Variants in MTREX observed in about 807,000 individuals in gnomAD.
The protein encoded by MTREX is exosome RNA helicase MTR4.
A neutral mutation model predicts 135.4 loss-of-function variants in MTREX; 76 were observed. That is an observed-to-expected ratio of 0.56 (90% CI 0.47 to 0.68). The LOEUF (loss-of-function observed/expected upper bound fraction) is 0.68, where lower values mean the gene tolerates loss of function less well. Among genes scored for constraint, MTREX ranks in the 30% least tolerant of loss-of-function variants. MTREX has a pLI of 0.00. For missense variants in MTREX, 920 were observed against 1,262.1 expected (o/e 0.73, Z 4.11); for synonymous variants, 404 against 401.6 (o/e 1.01, Z -0.07).
intron 10 of MTREX, 111 bp downstream of exon 10, chr5:55,345,307 G>A (rs1223910764): frequency 8.8e-6 from 6 of 680,546 alleles, no homozygotes; most frequent in East Asian, 5.6e-5. Flanking sequence ...AGGTCTAGAC[G>A]ATATGTGATA....
At chr5:55,316,523 A>G (rs1749200897) in intron 1 of MTREX, among the ~76,000 whole-genome samples, 2 of 152,184 alleles carry the variant, frequency 1.3e-5, no homozygotes, top group African/African-American at 4.8e-5. Flanking sequence ...ACAGAACTAA[A>G]GACAAAAAAC....
At chr5:55,401,644 C>T (rs900261110) in intron 21 of MTREX, among the ~76,000 whole-genome samples, 2 of 152,176 alleles carry the variant, frequency 1.3e-5, no homozygotes, top group Non-Finnish European at 2.9e-5. Context: ...TACATCTTCG[C>T]CAGCATGTGT....
At chr5:55,366,981 G>T in intron 16 of MTREX, 106 bp downstream of exon 16, 1 of 857,522 alleles carries the variant, frequency 1.2e-6, no homozygotes, top group Non-Finnish European at 1.8e-6. Flanking sequence ...GGTAAATTTT[G>T]GTTCATACGT....
At position 55,349,378 on chromosome 5, in the gene MTREX, A is replaced by T. The variant is rs185094646; in HGVS notation, c.1241-195A>T. ...ATTTTTTTGTATTTTTTGTAGAGAC[A>T]GGGCTTCGCCATGTTGCCCATGCTG... On this transcript the variant is annotated intron_variant, in intron 11 of 26. Transcript: ENST00000230640. Among the ~76,000 whole-genome samples, 13 of 152,018 alleles carry T rather than the reference A, an allele frequency of 8.6e-5. No homozygotes were observed. In the East Asian group the frequency reaches 1.9e-3, roughly 23 times the overall value.
intron 23 of MTREX, among the ~76,000 whole-genome samples, chr5:55,411,828 C>T (rs75535489): frequency 0.041 from 6,253 of 152,186 alleles, 188 homozygotes; most frequent in Non-Finnish European, 0.055. Flanking sequence ...TAATTAAGAA[C>T]ATTTGTCAAA....
intron 8 of MTREX, among the ~76,000 whole-genome samples, chr5:55,343,996 CT>C (rs1749691583): frequency 6.6e-6 from 1 of 151,986 alleles, no homozygotes; most frequent in Non-Finnish European, 1.5e-5. Context: ...CTTAATTTTC[CT>C]TTACACTGAT....
intron 21 of MTREX, among the ~76,000 whole-genome samples, chr5:55,403,888 TGAAAA>T (rs1233084692): frequency 6.6e-6 from 1 of 152,178 alleles, no homozygotes; most frequent in Non-Finnish European, 1.5e-5. Context: ...TATAAATAAT[TGAAAA>T]GAGCTTGGAT....
At chr5:55,416,201 TAAAC>T in intron 25 of MTREX, 69 bp downstream of exon 25, 2 of 938,538 alleles carry the variant, frequency 2.1e-6, no homozygotes, top group Non-Finnish European at 3.1e-6. Flanking sequence ...TTGTTTTAAT[TAAAC>T]AAGTATAATA....
intron 11 of MTREX, among the ~76,000 whole-genome samples, chr5:55,347,674 C>T (rs150800432): frequency 6.6e-6 from 1 of 152,316 alleles, no homozygotes; most frequent in African/African-American, 2.4e-5. Flanking sequence ...AAGACAGTAG[C>T]ACAACCTGGC....
chr5:55,361,914 T>TTGTTTGTC (rs1436974043), intron 15 of MTREX, among the ~76,000 whole-genome samples: 38 of 151,506 alleles, frequency 2.5e-4, no homozygotes, highest in African/African-American at 9.2e-4. Flanking sequence ...GTTTGTTTGT[T>TTGTTTGTC]TGTTTTTGTT....
chr5:55,310,480 C>T (rs1237306363), intron 1 of MTREX, among the ~76,000 whole-genome samples: 1 of 152,058 alleles, frequency 6.6e-6, no homozygotes, highest in Non-Finnish European at 1.5e-5. Context: ...TGGTGGCAGG[C>T]GCCTGTAATC....
intron 13 of MTREX, 36 bp downstream of exon 13, chr5:55,351,065 C>T (rs772334665): frequency 6.4e-7 from 1 of 1,558,558 alleles, no homozygotes; most frequent in African/African-American, 1.4e-5. Flanking sequence ...GCCCCCATAT[C>T]ATGTTGTATG....
chr5:55,349,674 A>G (rs1749796589), intron 12 of MTREX, 22 bp downstream of exon 12: 2 of 1,281,022 alleles, frequency 1.6e-6, no homozygotes, highest in Non-Finnish European at 2.3e-6. Context: ...GTATCAGTAG[A>G]TAAAAGTGTA....
chr5:55,420,362 G>T (rs995803231), intron 25 of MTREX, among the ~76,000 whole-genome samples: 3 of 152,184 alleles, frequency 2.0e-5, no homozygotes, highest in African/African-American at 7.2e-5. Flanking sequence ...CATCAACCGG[G>T]TAAGGCTGAT....
chr5:55,400,455 C>A, intron 21 of MTREX, 34 bp downstream of exon 21: 1 of 1,392,372 alleles, frequency 7.2e-7, no homozygotes, highest in Non-Finnish European at 9.9e-7. Context: ...TAGTAGAATT[C>A]TATATGTTTC....
At chr5:55,358,785 C>T in intron 15 of MTREX, 87 bp downstream of exon 15, 1 of 1,137,018 alleles carries the variant, frequency 8.8e-7, no homozygotes, top group South Asian at 1.7e-5. Flanking sequence ...GTCAGTCAGA[C>T]ACCTAAGTGA....
intron 7 of MTREX, among the ~76,000 whole-genome samples, chr5:55,342,087 A>G (rs1749658662): frequency 6.6e-6 from 1 of 152,098 alleles, no homozygotes; most frequent in Middle Eastern, 3.4e-3. Context: ...TATTTATTTT[A>G]TTAGTAGAGA....
intron 18 of MTREX, among the ~76,000 whole-genome samples, chr5:55,380,467 GT>G (rs934198969): frequency 4.6e-5 from 7 of 152,024 alleles, no homozygotes; most frequent in Non-Finnish European, 1.0e-4. Context: ...TGTGTTGAGT[GT>G]TTTTCTCATG....
At position 55,405,455 on chromosome 5, in the gene MTREX, G is replaced by C. The variant is rs1402293847; in HGVS notation, c.2512G>C (p.Glu838Gln). ...IAIDIKSAKR[E>Q]LKKARTVLQM... ...AATAGATATTAAATCTGCAAAGCGA[G>C]AACTGAAGAAAGCAAGAACAGTCCT... The change falls in exon 22 of 27, where the codon GAA becomes CAA. Residue 838 changes from glutamate (E) to glutamine (Q), a missense_variant. Transcript: ENST00000230640. 1.2e-6 allele frequency: 2 copies of C among 1,613,678 alleles called. No homozygotes were observed. The highest frequency in any genetic ancestry group is 1.7e-4 in the Middle Eastern group (1 of 6,060).
Sources: gnomAD v4.1 joint callset for allele counts (sites outside exome capture counted in the v4.1 genomes callset) on GRCh38, gnomAD v4.1.1 for gene constraint, MANE v1.5 for transcripts, NCBI Gene and HGNC (gene_info 2026-07-23, HGNC 2026-07-21) for gene names.